ARHGAP8: variants seen among roughly 807,000 people sequenced by gnomAD.
ARHGAP8 encodes the protein rho GTPase-activating protein 8.
A neutral mutation model predicts 46.1 loss-of-function variants in ARHGAP8; 62 were observed. That is an observed-to-expected ratio of 1.34 (90% CI 1.10 to 1.66). The LOEUF is 1.66. Among genes scored for constraint, ARHGAP8 ranks in the 40% most tolerant of loss-of-function variants. The probability of loss-of-function intolerance (pLI) is 0.00; values close to 1 mark genes in which losing one functional copy is unlikely to be tolerated. For synonymous variants in ARHGAP8, 375 were observed against 243.1 expected, an observed-to-expected ratio of 1.54 and a Z score of -5.05; for missense variants, 923 against 568.4, an observed-to-expected ratio of 1.62 and a Z score of -6.34.
rs960437987 is a variant in ARHGAP8, at chr22:44,856,784, C to G, written c.878-2947C>G. On this transcript the variant is annotated intron_variant, in intron 10 of 11. Transcript: ENST00000356099. ...GGAGGCTGAAGATCACCGAGGACTC[C>G]TCGAGATCAGATGCGCTGAAGTCAA... Among the ~76,000 whole-genome samples the G allele has an allele frequency of 5.7e-4, 82 of 143,690 alleles. 16 individuals carry two copies. Among genetic ancestry groups the G allele is most frequent in the African/African-American group, 2.0e-3 (72 of 35,542 alleles). 94.3% of individuals were successfully genotyped at this position (143,690 alleles called of 152,430 possible). A position where few individuals can be genotyped will look rare whatever the true frequency, so the allele number is the denominator to read the frequency against.
At chr22:44,827,335 G>T (rs1404655694) in intron 7 of ARHGAP8, among the ~76,000 whole-genome samples, 3 of 41,714 alleles carry the variant, frequency 7.2e-5, no homozygotes, top group African/African-American at 9.4e-5. Context: ...TTTGGGTGGT[G>T]GTTTTTTTTT....
At chr22:44,833,096 C>CTTTTCTTTT (rs535842585) in intron 7 of ARHGAP8, among the ~76,000 whole-genome samples, 1 of 120,432 alleles carries the variant, frequency 8.3e-6, no homozygotes, top group East Asian at 2.7e-4. Context: ...CTTTTCTTTT[C>CTTTTCTTTT]TTTTTTTTTT....
rs191205659 is a variant in ARHGAP8, at chr22:44,828,681, G to A, written c.596+3088G>A. On this transcript the variant is annotated intron_variant, in intron 7 of 11. Coordinates refer to ENST00000356099, the MANE Select transcript of ARHGAP8 (RefSeq NM_181335.3). ...TTGGCCAGGCTGGTCTTGAACTCCT[G>A]ATCTCAAGTGATCCACCTGCCTCGG... Among the ~76,000 whole-genome samples the A allele has an allele frequency of 1.3e-3, 191 of 151,266 alleles. 2 individuals are homozygous for A. The highest frequency in any genetic ancestry group is 1.3e-3 in the South Asian group (6 of 4,776).
intron 5 of ARHGAP8, among the ~76,000 whole-genome samples, chr22:44,821,765 G>A (rs1049621633): frequency 4.6e-5 from 7 of 152,228 alleles, no homozygotes; most frequent in Non-Finnish European, 8.8e-5. Context: ...CCCTGAGAGG[G>A]AGTGAATTGC....
intron 2 of ARHGAP8, among the ~76,000 whole-genome samples, chr22:44,794,400 TTCTC>T (rs369162985): frequency 1.3e-3 from 197 of 152,074 alleles, no homozygotes; most frequent in Non-Finnish European, 2.0e-3. Context: ...TTTGCTTTTT[TTCTC>T]TCTCTCTCTT....
chr22:44,861,138 ATT>A (rs932917063), intron 11 of ARHGAP8, among the ~76,000 whole-genome samples: 2 of 152,024 alleles, frequency 1.3e-5, no homozygotes, highest in African/African-American at 2.4e-5. Context: ...TGCCCGGCTA[ATT>A]TTTGTTTTTT....
At chr22:44,854,670 G>A (rs945279604) in intron 10 of ARHGAP8, among the ~76,000 whole-genome samples, 2 of 152,032 alleles carry the variant, frequency 1.3e-5, no homozygotes, top group Admixed American at 6.5e-5. Context: ...ATGGAGTCTC[G>A]CTCTGTTGCC....
chr22:44,862,776 A>G lies in ARHGAP8; in HGVS notation c.*181A>G, dbSNP rs987895522. 4.2e-6 allele frequency: 3 copies of G among 709,478 alleles called. No individual in the cohort carries two copies. The highest frequency in any genetic ancestry group is 1.8e-5 in the African/African-American group (1 of 56,804). The allele number at this position is 709,478 out of a possible 1,614,324, so 43.9% of individuals were successfully genotyped here. ...CATGGTTCCTGAGCTGTGGACCGGG[A>G]TAGAATAATGCATTTGTTAGGATGG... is the stretch of plus-strand genomic sequence containing the variant. On this transcript the variant is annotated 3_prime_UTR_variant, in exon 12 of 12. Coordinates refer to ENST00000356099, the MANE Select transcript of ARHGAP8 (RefSeq NM_181335.3).
chr22:44,785,298 G>A (rs138444694), intron 1 of ARHGAP8, among the ~76,000 whole-genome samples: 1,900 of 152,270 alleles, frequency 0.012, 52 homozygotes, highest in African/African-American at 0.043. Flanking sequence ...CGCCAGCAAA[G>A]TGCCACAACC....
At chr22:44,842,974 T>A (rs1931750298) in intron 7 of ARHGAP8, among the ~76,000 whole-genome samples, 2 of 152,166 alleles carry the variant, frequency 1.3e-5, no homozygotes, top group African/African-American at 4.8e-5. Flanking sequence ...ATGGGCTACG[T>A]TTTCATTTTC....
rs571895213 is a variant in ARHGAP8 at position 44,817,375 on chromosome 22, C to G, written c.386+2617C>G. 3.9e-5 allele frequency among the ~76,000 whole-genome samples: 6 copies of G among 152,356 alleles called. No individual in the cohort carries two copies. The South Asian group carries it at 1.2e-3, about 32-fold the overall frequency. On this transcript the variant is annotated intron_variant, in intron 5 of 11. Transcript: ENST00000356099. ...CTGCCAGTTTTTCTCACCTACTGGC[C>G]TATGCCGCACACATTCCCCTATTGG...
chr22:44,785,879 C>T (rs1249478207), intron 1 of ARHGAP8, among the ~76,000 whole-genome samples: 3 of 152,180 alleles, frequency 2.0e-5, no homozygotes, highest in Non-Finnish European at 4.4e-5. Context: ...GCACTGGCTT[C>T]CTGCTGGCTG....
intron 10 of ARHGAP8, among the ~76,000 whole-genome samples, chr22:44,855,989 T>C (rs1473837836): frequency 6.6e-6 from 1 of 152,222 alleles, no homozygotes; most frequent in African/African-American, 2.4e-5. Flanking sequence ...AGCAGGTGTC[T>C]CACGCAGTGC....
chr22:44,862,272 C>T lies in ARHGAP8; in HGVS notation c.982-3C>T, dbSNP rs746692486. On this transcript the variant is annotated splice_region_variant and splice_polypyrimidine_tract_variant and intron_variant, in intron 11 of 11. Transcript: ENST00000356099. ...CCCTTTACTTGTGTGTGGTTTCCTC[C>T]AGGTGTCCCGGGAGAGCATCTTCAA... 22 of 1,585,420 alleles carry T rather than the reference C, an allele frequency of 1.4e-5. No homozygotes were observed. Among genetic ancestry groups the T allele is most frequent in the Non-Finnish European group, 1.6e-5 (18 of 1,161,014 alleles).
At chr22:44,801,562 C>T (rs1398381797) in intron 2 of ARHGAP8, among the ~76,000 whole-genome samples, 1 of 152,192 alleles carries the variant, frequency 6.6e-6, no homozygotes, top group Non-Finnish European at 1.5e-5. Context: ...ACTGTTGTAG[C>T]ACATGGTGAC....
chr22:44,852,992 C>G (rs978861137), intron 10 of ARHGAP8, among the ~76,000 whole-genome samples: 8 of 152,100 alleles, frequency 5.3e-5, no homozygotes, highest in African/African-American at 1.9e-4. Flanking sequence ...TTAGTAGAGA[C>G]AGCATTTCAC....
chr22:44,857,788 A>T (rs1433504519), intron 10 of ARHGAP8, among the ~76,000 whole-genome samples: 1 of 150,282 alleles, frequency 6.7e-6, no homozygotes, highest in African/African-American at 2.4e-5. Context: ...CTAGTCACCT[A>T]ACCTCTCAGA....
At chr22:44,857,787 TAACCTCTCA>T (rs543346612) in intron 10 of ARHGAP8, among the ~76,000 whole-genome samples, 351 of 151,360 alleles carry the variant, frequency 2.3e-3, no homozygotes, top group Non-Finnish European at 3.9e-3. Flanking sequence ...GCTAGTCACC[TAACCTCTCA>T]GAGCTCTCTT....
At chr22:44,861,583 G>A (rs1037938848) in intron 11 of ARHGAP8, among the ~76,000 whole-genome samples, 22 of 152,158 alleles carry the variant, frequency 1.4e-4, no homozygotes, top group Admixed American at 3.3e-4. Flanking sequence ...GGTACTCACC[G>A]CCTCATGACC....
Sources: allele counts gnomAD v4.1 joint callset (sites outside exome capture counted in the v4.1 genomes callset), GRCh38; gene constraint gnomAD v4.1.1; transcripts MANE v1.5; gene names NCBI Gene and HGNC (gene_info 2026-07-23, HGNC 2026-07-21).